PFDN4: variants seen among roughly 807,000 people sequenced by gnomAD.
PFDN4 encodes prefoldin 4.
Under a neutral mutation model 17.6 loss-of-function variants are expected in PFDN4, and 6 were observed. That is an observed-to-expected ratio of 0.34 (90% CI 0.19 to 0.67). The LOEUF (loss-of-function observed/expected upper bound fraction) is 0.67, where lower values mean the gene tolerates loss of function less well. Among genes scored for constraint, PFDN4 ranks in the 30% least tolerant of loss-of-function variants. PFDN4 has a pLI of 0.68. For synonymous variants in PFDN4, 48 were observed against 51.1 expected, an observed-to-expected ratio of 0.94 and a Z score of 0.26; for missense variants, 119 against 158.4, an observed-to-expected ratio of 0.75 and a Z score of 1.33.
rs377296812 is a variant in PFDN4, at chr20:54,208,139, C to A, written c.24+15C>A. ...TGAAGAAGGCGGTGAGTGGGGAGCTCGGGGCTCTGGATGCTCGGGCGGCGC... is the reference window on the plus strand; with the variant it reads ...TGAAGAAGGCGGTGAGTGGGGAGCTAGGGGCTCTGGATGCTCGGGCGGCGC... On this transcript the variant is annotated intron_variant, in intron 1 of 3. Coordinates refer to ENST00000371419, the MANE Select transcript of PFDN4 (RefSeq NM_002623.4). 37 of 1,548,384 alleles carry A rather than the reference C, an allele frequency of 2.4e-5. No homozygotes were observed. The highest frequency in any genetic ancestry group is 3.2e-5 in the Non-Finnish European group (37 of 1,145,598).
chr20:54,208,154 T>A, intron 1 of PFDN4, 30 bp downstream of exon 1: 1 of 1,525,610 alleles, frequency 6.6e-7, no homozygotes, highest in Non-Finnish European at 8.8e-7. Flanking sequence ...CTCTGGATGC[T>A]CGGGCGGCGC....
intron 1 of PFDN4, among the ~76,000 whole-genome samples, chr20:54,213,946 A>G (rs1223877700): frequency 6.8e-6 from 1 of 147,988 alleles, no homozygotes; most frequent in African/African-American, 2.5e-5. Flanking sequence ...TAGCTCTAAG[A>G]AAAAAAAAAC....
rs1488817252 is a variant in PFDN4 at position 54,208,138 on chromosome 20, T to A, written c.24+14T>A. ...ATGAAGAAGGCGGTGAGTGGGGAGCTCGGGGCTCTGGATGCTCGGGCGGCG... is the reference window on the plus strand; with the variant it reads ...ATGAAGAAGGCGGTGAGTGGGGAGCACGGGGCTCTGGATGCTCGGGCGGCG... On this transcript the variant is annotated intron_variant, in intron 1 of 3. Coordinates refer to ENST00000371419, the MANE Select transcript of PFDN4 (RefSeq NM_002623.4). 1.3e-6 allele frequency: 2 copies of A among 1,548,590 alleles called. No individual in the cohort carries two copies. Among genetic ancestry groups the A allele is most frequent in the Admixed American group, 3.8e-5 (2 of 52,424 alleles).
At chr20:54,217,121 CA>C (rs1173153645) in intron 3 of PFDN4, among the ~76,000 whole-genome samples, 1 of 151,976 alleles carries the variant, frequency 6.6e-6, no homozygotes, top group Non-Finnish European at 1.5e-5. Context: ...AAAAAGTAAA[CA>C]AAACTGATAA....
intron 1 of PFDN4, among the ~76,000 whole-genome samples, chr20:54,210,953 C>T (rs1402831262): frequency 6.6e-6 from 1 of 152,184 alleles, no homozygotes; most frequent in Non-Finnish European, 1.5e-5. Context: ...GGCATGATGG[C>T]GTTTGCCTAT....
intron 1 of PFDN4, among the ~76,000 whole-genome samples, chr20:54,210,712 C>T (rs1489793431): frequency 6.6e-6 from 1 of 152,222 alleles, no homozygotes; most frequent in Admixed American, 6.5e-5. Context: ...CCCCAGGCCC[C>T]CAAAACTTTC....
At chr20:54,215,653 AG>A (rs2092761593) in intron 3 of PFDN4, among the ~76,000 whole-genome samples, 1 of 152,204 alleles carries the variant, frequency 6.6e-6, no homozygotes, top group African/African-American at 2.4e-5. Context: ...AGGCTTAGAG[AG>A]GTTATGGGAT....
chr20:54,209,893 A>AGAAC (rs761502590), intron 1 of PFDN4, among the ~76,000 whole-genome samples: 5 of 152,228 alleles, frequency 3.3e-5, no homozygotes, highest in African/African-American at 4.8e-5. Context: ...ATAGCCCCAA[A>AGAAC]GAACGTATGT....
At position 54,214,441 on chromosome 20, in the gene PFDN4, G is replaced by A; in HGVS notation, c.115G>A (p.Glu39Lys). The A allele has an allele frequency of 6.6e-7, 1 of 1,525,348 alleles. No individual in the cohort carries two copies. The highest frequency in any genetic ancestry group is 9.0e-7 in the Non-Finnish European group (1 of 1,113,762). 94.5% of individuals were successfully genotyped at this position (1,525,348 alleles called of 1,614,324 possible). A position where few individuals can be genotyped will look rare whatever the true frequency, so the allele number is the denominator to read the frequency against. ...AAGTAGAATCACAGAGCTGAAGGAA[G>A]AAATAGAAGTAAAAAAGGTATTGAA... Reference protein sequence around the residue: ...NTSRITELKEEIEVKKKQLQN... With the variant: ...NTSRITELKEKIEVKKKQLQN... The change falls in exon 2 of 4, where the codon GAA (glutamate) becomes AAA (lysine). Residue 39 changes from glutamate to lysine, a missense_variant. Physicochemically the swap from Glu to Lys is moderately conservative, Grantham distance 56. This residue lies in a region of PFDN4 where 81 missense variants were observed against 111.7 expected (regional missense o/e 0.73). Coordinates refer to ENST00000371419, the MANE Select transcript of PFDN4 (RefSeq NM_002623.4).
At chr20:54,210,613 A>T (rs1223792758) in intron 1 of PFDN4, among the ~76,000 whole-genome samples, 1 of 152,150 alleles carries the variant, frequency 6.6e-6, no homozygotes, top group Non-Finnish European at 1.5e-5. Context: ...GGAGATCTGC[A>T]CTTTGATTTC....
At chr20:54,218,333 C>CT (rs1285606440) in intron 3 of PFDN4, among the ~76,000 whole-genome samples, 2 of 150,874 alleles carry the variant, frequency 1.3e-5, no homozygotes, top group East Asian at 1.9e-4. Context: ...ATTGTATTTT[C>CT]TTTTTTTTAA....
rs1568676403 is a variant in PFDN4 at position 54,214,369 on chromosome 20, G to A, written c.43G>A (p.Val15Ile). ...CTTTCAGGCTGCAGAAGATGTCAAT[G>A]TTACTTTCGAAGATCAACAAAAGAT... ...MKKAAAEDVNVTFEDQQKINK... is the reference protein window; with the variant it reads ...MKKAAAEDVNITFEDQQKINK... Residue 15 changes from valine to isoleucine, a missense_variant, in exon 2 of 4, where the codon GTT (valine) becomes ATT (isoleucine). This residue lies in a region of PFDN4 where 29 missense variants were observed against 18.9 expected (regional missense o/e 1.54). Transcript: ENST00000371419. The A allele has an allele frequency of 1.3e-6, 2 of 1,587,626 alleles. No individual in the cohort carries two copies. The highest frequency in any genetic ancestry group is 1.7e-6 in the Non-Finnish European group (2 of 1,161,112).
chr20:54,216,568 C>T (rs976573530), intron 3 of PFDN4, among the ~76,000 whole-genome samples: 3 of 152,030 alleles, frequency 2.0e-5, no homozygotes, highest in Non-Finnish European at 4.4e-5. Context: ...GGAAGTATTC[C>T]CAGATAGCTT....
Position 54,219,024 on chromosome 20 carries a change from T to G in PFDN4, c.279T>G (p.Asn93Lys). The change falls in exon 4 of 4, where the codon AAT (asparagine) becomes AAG (lysine). Residue 93 changes from asparagine to lysine, a missense_variant. Physicochemically the swap from Asn to Lys is moderately conservative, Grantham distance 94. Coordinates refer to ENST00000371419, the MANE Select transcript of PFDN4 (RefSeq NM_002623.4). The part of the protein sequence containing the change: ...TQEMLEEAKK[N>K]LQEEIDALES... Reference sequence around the variant, plus strand: ...TTAAAATATTTTTTTTCCAGAAAAATTTGCAAGAAGAAATTGACGCCTTAG... The same window carrying G: ...TTAAAATATTTTTTTTCCAGAAAAAGTTGCAAGAAGAAATTGACGCCTTAG... 2 of 1,520,030 alleles carry G rather than the reference T, an allele frequency of 1.3e-6. No individual in the cohort carries two copies. Among genetic ancestry groups the G allele is most frequent in the Non-Finnish European group, 1.8e-6 (2 of 1,126,862 alleles). The allele number at this position is 1,520,030 out of a possible 1,614,324, so 94.2% of individuals were successfully genotyped here.
intron 2 of PFDN4, 134 bp downstream of exon 2, chr20:54,214,592 G>A: frequency 1.9e-6 from 1 of 519,496 alleles, no homozygotes; most frequent in South Asian, 3.2e-5. Context: ...CTCTAGTTAA[G>A]CAGAAAGTCA....
intron 1 of PFDN4, among the ~76,000 whole-genome samples, chr20:54,209,646 A>G (rs2092753117): frequency 6.6e-6 from 1 of 152,154 alleles, no homozygotes; most frequent in Non-Finnish European, 1.5e-5. Context: ...GTTGTGGTTC[A>G]CTCCGTTTTA....
At chr20:54,214,902 T>TA (rs2092760630) in intron 2 of PFDN4, among the ~76,000 whole-genome samples, 1 of 152,214 alleles carries the variant, frequency 6.6e-6, no homozygotes, top group Non-Finnish European at 1.5e-5. Flanking sequence ...TATTATCACT[T>TA]ATGCATGCTG....
chr20:54,211,738 A>G (rs2092756083), intron 1 of PFDN4, among the ~76,000 whole-genome samples: 1 of 152,178 alleles, frequency 6.6e-6, no homozygotes, highest in Admixed American at 6.5e-5. Context: ...TGAAGGCAGG[A>G]GTTCCTAACC....
At chr20:54,212,763 T>G (rs1040426449) in intron 1 of PFDN4, among the ~76,000 whole-genome samples, 1 of 152,222 alleles carries the variant, frequency 6.6e-6, no homozygotes, top group African/African-American at 2.4e-5. Flanking sequence ...TTCTCTGCTG[T>G]CTATTTGCGT....
Sources: allele counts gnomAD v4.1 joint callset (sites outside exome capture counted in the v4.1 genomes callset), GRCh38; gene constraint gnomAD v4.1.1; regional missense constraint gnomAD v4.1.1; transcripts MANE v1.5; gene names NCBI Gene and HGNC (gene_info 2026-07-23, HGNC 2026-07-21).